NAALADL2: variants seen among roughly 807,000 people sequenced by gnomAD.
NAALADL2 encodes the protein N-acetylated alpha-linked acidic dipeptidase like 2, also known as inactive N-acetylated-alpha-linked acidic dipeptidase-like protein 2.
NAALADL2 carries 76 observed loss-of-function variants against 87.2 expected under a neutral mutation model. The ratio of observed to expected loss-of-function variants is 0.87; its 90% confidence interval spans 0.72 to 1.05. NAALADL2 has a LOEUF of 1.05. Ranked by LOEUF, NAALADL2 falls within the 50% of genes least tolerant of loss-of-function variation. The pLI, the probability that NAALADL2 is intolerant of heterozygous loss-of-function variation, is 0.00. For missense variants in NAALADL2, 1,089 were observed against 945.8 expected, an observed-to-expected ratio of 1.15 and a Z score of -1.99; for synonymous variants, 354 against 331.0, an observed-to-expected ratio of 1.07 and a Z score of -0.75.
intron 10 of NAALADL2, among the ~76,000 whole-genome samples, chr3:175,613,038 G>A (rs1724852426): frequency 6.6e-6 from 1 of 152,040 alleles, no homozygotes; most frequent in Non-Finnish European, 1.5e-5. Context: ...AGGGCTCTGA[G>A]ACTTTGGCGT....
Position 175,324,169 on chromosome 3 carries a change from T to C in NAALADL2, c.940-6T>C. The C allele has an allele frequency of 6.2e-7, 1 of 1,612,198 alleles. No individual in the cohort carries two copies. The highest frequency in any genetic ancestry group is 8.5e-7 in the Non-Finnish European group (1 of 1,179,060). ...ATATTTTTAATAGCTTGCTTCCCTC[T>C]TTTAGCTTTCCTCATTGGAAAAGGC... On this transcript the variant is annotated splice_region_variant and splice_polypyrimidine_tract_variant and intron_variant, in intron 4 of 13. Transcript: ENST00000454872.
chr3:174,676,749 T>C (rs547525437), intron 2 of NAALADL2, among the ~76,000 whole-genome samples: 5 of 151,930 alleles, frequency 3.3e-5, no homozygotes, highest in Non-Finnish European at 7.4e-5. Flanking sequence ...CAAAGGTCTT[T>C]ATTAAGTAAC....
intron 3 of NAALADL2, among the ~76,000 whole-genome samples, chr3:174,804,048 A>T (rs913305132): frequency 1.3e-5 from 2 of 152,092 alleles, no homozygotes; most frequent in African/African-American, 4.8e-5. Flanking sequence ...GAGTCTATAA[A>T]TTACCTGGAG....
chr3:175,191,134 A>G (rs185798231), intron 2 of NAALADL2, among the ~76,000 whole-genome samples: 2 of 152,224 alleles, frequency 1.3e-5, no homozygotes, highest in African/African-American at 2.4e-5. Context: ...TCTTGCCACA[A>G]AAAAGGAGGG....
At chr3:174,822,954 G>A (rs1232365375) in intron 3 of NAALADL2, among the ~76,000 whole-genome samples, 1 of 152,064 alleles carries the variant, frequency 6.6e-6, no homozygotes, top group Non-Finnish European at 1.5e-5. Context: ...AAACAAATGG[G>A]AAAATAAAGA....
chr3:175,388,875 C>T (rs896730417), intron 5 of NAALADL2, among the ~76,000 whole-genome samples: 2 of 152,062 alleles, frequency 1.3e-5, no homozygotes, highest in African/African-American at 4.8e-5. Flanking sequence ...AAAATACATT[C>T]ATCAACTTAT....
intron 1 of NAALADL2, among the ~76,000 whole-genome samples, chr3:175,028,398 G>T (rs1279578720): frequency 6.6e-6 from 1 of 151,958 alleles, no homozygotes; most frequent in Non-Finnish European, 1.5e-5. Context: ...CATTTGTCAT[G>T]GAATCAAAAT....
chr3:175,014,246 C>A (rs1227154154), intron 1 of NAALADL2, among the ~76,000 whole-genome samples: 1 of 152,002 alleles, frequency 6.6e-6, no homozygotes, highest in Non-Finnish European at 1.5e-5. Flanking sequence ...GCCAGTGATG[C>A]GTTCTGTTAG....
intron 5 of NAALADL2, among the ~76,000 whole-genome samples, chr3:175,423,028 A>AAAAAAAAAATATAT (rs1438736874): frequency 1.8e-5 from 2 of 111,316 alleles, no homozygotes; most frequent in African/African-American, 8.2e-5. Flanking sequence ...GAAAAAAAAA[A>AAAAAAAAAATATAT]ATATATATAT....
intron 4 of NAALADL2, among the ~76,000 whole-genome samples, chr3:175,282,270 G>A (rs887260471): frequency 6.6e-6 from 1 of 151,974 alleles, no homozygotes; most frequent in Admixed American, 6.6e-5. Flanking sequence ...TAGCATGAGT[G>A]GGGTTACTAG....
chr3:174,584,095 T>C (rs998385443), intron 2 of NAALADL2, among the ~76,000 whole-genome samples: 26 of 152,280 alleles, frequency 1.7e-4, no homozygotes, highest in African/African-American at 6.0e-4. Context: ...AGCTGGATGC[T>C]AACAGGCTAA....
intron 4 of NAALADL2, among the ~76,000 whole-genome samples, chr3:175,263,068 T>A (rs1264051647): frequency 6.6e-6 from 1 of 151,734 alleles, no homozygotes; most frequent in Non-Finnish European, 1.5e-5. Flanking sequence ...CTGCTCCATT[T>A]GTCATGGACA....
intron 1 of NAALADL2, among the ~76,000 whole-genome samples, chr3:174,450,818 C>T (rs199931295): frequency 7.3e-6 from 1 of 137,368 alleles, no homozygotes; most frequent in Non-Finnish European, 1.5e-5. Flanking sequence ...TGTAGTGAGC[C>T]GAGATCATGC....
intron 2 of NAALADL2, among the ~76,000 whole-genome samples, chr3:175,182,363 G>C (rs1736690815): frequency 6.6e-6 from 1 of 151,458 alleles, no homozygotes; most frequent in South Asian, 2.1e-4. Context: ...TCTATTAATT[G>C]TTTCTTTTTT....
chr3:174,826,110 T>C (rs1019726833), intron 3 of NAALADL2, among the ~76,000 whole-genome samples: 1 of 152,102 alleles, frequency 6.6e-6, no homozygotes, highest in Non-Finnish European at 1.5e-5. Context: ...AAACAAAATC[T>C]TTTGACATCT....
At chr3:175,690,371 T>C (rs1371402378) in intron 11 of NAALADL2, among the ~76,000 whole-genome samples, 2 of 152,038 alleles carry the variant, frequency 1.3e-5, no homozygotes, top group Non-Finnish European at 2.9e-5. Context: ...TCAGAAGATA[T>C]GTAGTACAGC....
intron 2 of NAALADL2, among the ~76,000 whole-genome samples, chr3:174,570,093 C>T (rs1291468263): frequency 6.6e-6 from 1 of 152,098 alleles, no homozygotes; most frequent in Non-Finnish European, 1.5e-5. Flanking sequence ...ATTTTAGGAT[C>T]ACATGTGTAT....
At chr3:175,598,365 A>G (rs1026742306) in intron 10 of NAALADL2, among the ~76,000 whole-genome samples, 3 of 143,662 alleles carry the variant, frequency 2.1e-5, no homozygotes, top group Non-Finnish European at 4.5e-5. Flanking sequence ...TTTTTTTTGT[A>G]AATGCTATTG....
chr3:174,931,736 A>G (rs1013654398), intron 1 of NAALADL2, among the ~76,000 whole-genome samples: 3 of 152,220 alleles, frequency 2.0e-5, no homozygotes, highest in African/African-American at 7.2e-5. Context: ...CTGGGATGAC[A>G]TGAGATTGCT....
Sources: allele counts gnomAD v4.1 joint callset (sites outside exome capture counted in the v4.1 genomes callset), GRCh38; gene constraint gnomAD v4.1.1; transcripts MANE v1.5; gene names NCBI Gene and HGNC (gene_info 2026-07-23, HGNC 2026-07-21).